Variants in RBFOX1 observed in about 807,000 individuals in gnomAD.
RBFOX1 encodes the protein RNA binding protein fox-1 homolog 1.
RBFOX1 carries 8 observed loss-of-function variants against 57.7 expected under a neutral mutation model. The ratio of observed to expected loss-of-function variants is 0.14; its 90% CI spans 0.08 to 0.25. The LOEUF (loss-of-function observed/expected upper bound fraction) is 0.25, where lower values mean the gene tolerates loss of function less well. Among genes scored for constraint, RBFOX1 ranks in the 10% least tolerant of loss-of-function variants. RBFOX1 has a pLI of 1.00. For synonymous variants in RBFOX1, 326 were observed against 222.4 expected (o/e 1.47, Z -4.15); for missense variants, 611 against 548.5 (o/e 1.11, Z -1.14).
intron 4 of RBFOX1, among the ~76,000 whole-genome samples, chr16:7,149,229 G>C (rs940165284): frequency 3.9e-5 from 6 of 152,058 alleles, no homozygotes; most frequent in Non-Finnish European, 1.5e-5. Flanking sequence ...TGGACTTCCT[G>C]GTGCTGTTTT....
chr16:7,320,061 C>G (rs1471845832), intron 4 of RBFOX1, among the ~76,000 whole-genome samples: 2 of 152,028 alleles, frequency 1.3e-5, no homozygotes, highest in African/African-American at 4.8e-5. Flanking sequence ...TGAAAGTTAC[C>G]TTTTCTTAAA....
intron 3 of RBFOX1, among the ~76,000 whole-genome samples, chr16:5,734,616 C>G (rs1331486104): frequency 6.6e-6 from 1 of 152,092 alleles, no homozygotes; most frequent in Non-Finnish European, 1.5e-5. Context: ...CCACTGATCT[C>G]AAAGCTAGGT....
intron 3 of RBFOX1, among the ~76,000 whole-genome samples, chr16:6,805,474 C>T (rs760296575): frequency 6.6e-6 from 1 of 152,022 alleles, no homozygotes; most frequent in African/African-American, 2.4e-5. Context: ...ATAATCTGTA[C>T]CATCCCCATA....
chr16:5,468,335 C>G (rs1239402426), intron 2 of RBFOX1, among the ~76,000 whole-genome samples: 1 of 152,162 alleles, frequency 6.6e-6, no homozygotes, highest in African/African-American at 2.4e-5. Flanking sequence ...ACCCATTAAG[C>G]AGTCTCCCCT....
intron 3 of RBFOX1, among the ~76,000 whole-genome samples, chr16:5,643,327 T>C (rs940658348): frequency 1.3e-5 from 2 of 152,212 alleles, no homozygotes; most frequent in Non-Finnish European, 2.9e-5. Flanking sequence ...GGCTGCCCCC[T>C]GCTCACTCCC....
At chr16:6,645,691 C>G (rs2098528470) in intron 2 of RBFOX1, among the ~76,000 whole-genome samples, 1 of 152,246 alleles carries the variant, frequency 6.6e-6, no homozygotes, top group East Asian at 1.9e-4. Flanking sequence ...TTTTTAAGTT[C>G]TCAATGCTTC....
intron 1 of RBFOX1, among the ~76,000 whole-genome samples, chr16:5,444,310 T>A (rs1289748724): frequency 1.3e-5 from 2 of 152,224 alleles, no homozygotes; most frequent in Non-Finnish European, 2.9e-5. Context: ...TATATTCAAA[T>A]CTGATCACTC....
chr16:7,174,919 C>A (rs529450687), intron 4 of RBFOX1, among the ~76,000 whole-genome samples: 2 of 152,326 alleles, frequency 1.3e-5, no homozygotes, highest in East Asian at 3.9e-4. Flanking sequence ...ACTTATCTAT[C>A]TTTCAAATTA....
chr16:5,980,652 G>A (rs923321069), intron 4 of RBFOX1, among the ~76,000 whole-genome samples: 7 of 152,146 alleles, frequency 4.6e-5, no homozygotes, highest in Non-Finnish European at 8.8e-5. Context: ...GTAAGACACT[G>A]AGCAGGCATT....
At chr16:6,734,984 T>A (rs749377440) in intron 3 of RBFOX1, among the ~76,000 whole-genome samples, 11 of 152,122 alleles carry the variant, frequency 7.2e-5, no homozygotes, top group South Asian at 4.1e-4. Context: ...TATAATTTTT[T>A]TTTAAAGTAG....
intron 1 of RBFOX1, among the ~76,000 whole-genome samples, chr16:5,414,337 A>T (rs781610174): frequency 4.6e-5 from 7 of 151,996 alleles, no homozygotes; most frequent in Admixed American, 6.6e-5. Flanking sequence ...TGTTTGTTCC[A>T]CTTCCGTCCT....
At chr16:5,454,688 G>A (rs2068524957) in intron 1 of RBFOX1, among the ~76,000 whole-genome samples, 1 of 152,000 alleles carries the variant, frequency 6.6e-6, no homozygotes, top group Non-Finnish European at 1.5e-5. Context: ...GGATTTTGCA[G>A]CCTCCATAAT....
chr16:5,668,816 G>A (rs2049930415), intron 3 of RBFOX1, among the ~76,000 whole-genome samples: 1 of 152,138 alleles, frequency 6.6e-6, no homozygotes, highest in Admixed American at 6.5e-5. Flanking sequence ...TAGCTGGTCT[G>A]AAGTTGCTGG....
chr16:7,136,501 G>T (rs907600450), intron 4 of RBFOX1, among the ~76,000 whole-genome samples: 1 of 150,938 alleles, frequency 6.6e-6, no homozygotes, highest in African/African-American at 2.5e-5. Context: ...TAAACTCCTG[G>T]GCTAAAGTGA....
At chr16:6,865,354 A>C (rs919478345) in intron 3 of RBFOX1, among the ~76,000 whole-genome samples, 1 of 152,084 alleles carries the variant, frequency 6.6e-6, no homozygotes, top group African/African-American at 2.4e-5. Context: ...ATATGTGTTC[A>C]TTGTAGATAA....
intron 2 of RBFOX1, among the ~76,000 whole-genome samples, chr16:6,507,370 C>G (rs1458313258): frequency 6.6e-6 from 1 of 151,934 alleles, no homozygotes; most frequent in Non-Finnish European, 1.5e-5. Context: ...TATTATTCAA[C>G]CTTAAAAGGG....
chr16:6,872,404 T>C (rs1409456674), intron 3 of RBFOX1, among the ~76,000 whole-genome samples: 1 of 152,184 alleles, frequency 6.6e-6, no homozygotes, highest in East Asian at 1.9e-4. Flanking sequence ...AGCTCTTTTT[T>C]TAATCGATCA....
chr16:7,609,452 A>G (rs1205348797), intron 10 of RBFOX1, among the ~76,000 whole-genome samples: 1 of 152,204 alleles, frequency 6.6e-6, no homozygotes, highest in Admixed American at 6.5e-5. Context: ...ACTGATTTGT[A>G]ACTATAAGAA....
intron 3 of RBFOX1, among the ~76,000 whole-genome samples, chr16:5,700,848 G>C (rs1248600625): frequency 1.3e-5 from 2 of 152,108 alleles, no homozygotes; most frequent in East Asian, 1.9e-4. Context: ...CTGTGAACCA[G>C]TCATAGGCTG....
Sources: gnomAD v4.1 joint callset for allele counts (sites outside exome capture counted in the v4.1 genomes callset) on GRCh38, gnomAD v4.1.1 for gene constraint, MANE v1.5 for transcripts, NCBI Gene and HGNC (gene_info 2026-07-23, HGNC 2026-07-21) for gene names.